Variants in UNC80 observed in about 807,000 individuals in gnomAD.
UNC80 encodes unc-80 subunit of NALCN channel complex.
In UNC80, 164 loss-of-function variants were observed where a neutral mutation model predicts 384.6. The observed-to-expected ratio is 0.43, with a 90% CI of 0.38 to 0.49. UNC80 has a LOEUF of 0.49. Among genes scored for constraint, UNC80 ranks in the 20% least tolerant of loss-of-function variants. UNC80 has a pLI of 0.00. For synonymous variants in UNC80, 1,486 were observed against 1,527.8 expected (o/e 0.97, Z 0.64); for missense variants, 3,330 against 4,143.0 (o/e 0.80, Z 5.39).
At chr2:209,938,618 A>G (rs1246141741) in intron 42 of UNC80, among the ~76,000 whole-genome samples, 2 of 151,596 alleles carry the variant, frequency 1.3e-5, no homozygotes, top group African/African-American at 4.8e-5. Flanking sequence ...ACCCCAGCCC[A>G]TGATTTTGGG....
intron 36 of UNC80, among the ~76,000 whole-genome samples, chr2:209,928,231 G>A (rs902646204): frequency 1.3e-5 from 2 of 152,128 alleles, no homozygotes; most frequent in Admixed American, 6.5e-5. Flanking sequence ...AGCTACTCAT[G>A]AGGCTGAGGC....
rs1382519629 is a variant in UNC80, at chr2:209,937,513, T to C, written c.6364-16T>C. 1.3e-6 allele frequency: 2 copies of C among 1,524,174 alleles called. No homozygotes were observed. The highest frequency in any genetic ancestry group is 3.9e-5 in the Admixed American group (2 of 50,724). 94.4% of individuals were successfully genotyped at this position (1,524,174 alleles called of 1,614,324 possible). On this transcript the variant is annotated splice_polypyrimidine_tract_variant and intron_variant, in intron 41 of 64. Coordinates refer to ENST00000673920, the MANE Select transcript of UNC80 (RefSeq NM_001371986.1). ...TTTTGAACTCTTTTTTTTGTCTCTT[T>C]ATGTAATCCACACAGACCTATGTTC...
intron 22 of UNC80, among the ~76,000 whole-genome samples, chr2:209,855,270 AG>A (rs535778429): frequency 3.4e-4 from 51 of 152,190 alleles, no homozygotes; most frequent in African/African-American, 1.2e-3. Context: ...ACATGGACAC[AG>A]GGGAACAACA....
chr2:209,980,637 G>GTT (rs2093134998), intron 59 of UNC80, among the ~76,000 whole-genome samples: 1 of 152,206 alleles, frequency 6.6e-6, no homozygotes, highest in East Asian at 1.9e-4. Flanking sequence ...AATCAGACTT[G>GTT]TATTAAGGCC....
At chr2:209,857,680 A>C (rs1490870942) in intron 22 of UNC80, among the ~76,000 whole-genome samples, 1 of 152,196 alleles carries the variant, frequency 6.6e-6, no homozygotes, top group Non-Finnish European at 1.5e-5. Flanking sequence ...TTGTAAACTA[A>C]GAACTTAGCT....
chr2:209,910,525 T>C (rs2088799086), intron 29 of UNC80, among the ~76,000 whole-genome samples: 1 of 152,070 alleles, frequency 6.6e-6, no homozygotes, highest in African/African-American at 2.4e-5. Flanking sequence ...CTAAGTGTCA[T>C]GAGGCCACCA....
intron 34 of UNC80, among the ~76,000 whole-genome samples, 176 bp downstream of exon 34, chr2:209,921,862 C>T (rs2090063123): frequency 6.6e-6 from 1 of 152,190 alleles, no homozygotes; most frequent in South Asian, 2.1e-4. Flanking sequence ...TTAGAGTTAG[C>T]CATTTTCAGA....
At chr2:209,964,702 C>T (rs1220780522) in intron 51 of UNC80, among the ~76,000 whole-genome samples, 1 of 150,172 alleles carries the variant, frequency 6.7e-6, no homozygotes, top group Non-Finnish European at 1.5e-5. Flanking sequence ...GCAGGAGAAT[C>T]GCTTGTACCG....
At chr2:209,804,528 T>C (rs1559117555) in intron 7 of UNC80, among the ~76,000 whole-genome samples, 1 of 152,126 alleles carries the variant, frequency 6.6e-6, no homozygotes, top group Non-Finnish European at 1.5e-5. Flanking sequence ...ATACAATTAT[T>C]TTTAAAACTT....
Position 209,995,634 on chromosome 2 carries a change from T to TGTA in UNC80, c.*40_*41insTAG. 6.5e-7 allele frequency: 1 copy of TGTA among 1,541,984 alleles called. No homozygotes were observed. Among genetic ancestry groups the TGTA allele is most frequent in the East Asian group, 2.5e-5 (1 of 40,806 alleles). On this transcript the variant is annotated 3_prime_UTR_variant, in exon 65 of 65. Coordinates refer to ENST00000673920, the MANE Select transcript of UNC80 (RefSeq NM_001371986.1). ...AAGCTCTGCAGGTATAGAGAAGACA[T>TGTA]GAAAGTGATCTCTCTACTACAAGTT...
At chr2:209,882,164 C>T (rs1317626905) in intron 25 of UNC80, among the ~76,000 whole-genome samples, 1 of 151,984 alleles carries the variant, frequency 6.6e-6, no homozygotes, top group Non-Finnish European at 1.5e-5. Context: ...GACGGGGTTT[C>T]ACCATGTTAG....
chr2:209,837,144 T>A (rs2153829020), intron 18 of UNC80, among the ~76,000 whole-genome samples: 1 of 152,364 alleles, frequency 6.6e-6, no homozygotes, highest in East Asian at 1.9e-4. Context: ...AGTACTCTGA[T>A]GAGATTTTAA....
chr2:209,973,725 A>T (rs2092940532), intron 56 of UNC80, among the ~76,000 whole-genome samples: 1 of 152,202 alleles, frequency 6.6e-6, no homozygotes, highest in African/African-American at 2.4e-5. Context: ...ATTGCACAAC[A>T]TGTGGGGCTC....
intron 22 of UNC80, among the ~76,000 whole-genome samples, chr2:209,865,616 A>G (rs1018527090): frequency 6.6e-6 from 1 of 151,942 alleles, no homozygotes; most frequent in Admixed American, 6.6e-5. Context: ...TTCAACCCCA[A>G]TTGTTGTTCC....
At chr2:209,830,772 G>A (rs1000381272) in intron 15 of UNC80, among the ~76,000 whole-genome samples, 1 of 152,178 alleles carries the variant, frequency 6.6e-6, no homozygotes, top group East Asian at 1.9e-4. Flanking sequence ...GGAGGTCGAA[G>A]GCTTCCATTC....
intron 4 of UNC80, among the ~76,000 whole-genome samples, chr2:209,782,794 A>G (rs1017756453): frequency 6.6e-6 from 1 of 152,154 alleles, no homozygotes; most frequent in Non-Finnish European, 1.5e-5. Flanking sequence ...TTAATATATT[A>G]TTAATTTTAG....
intron 4 of UNC80, among the ~76,000 whole-genome samples, chr2:209,784,445 A>AT (rs376929125): frequency 5.0e-4 from 76 of 151,086 alleles, no homozygotes; most frequent in African/African-American, 1.4e-3. Flanking sequence ...CTCCAATTTT[A>AT]TTTTTTTTTC....
At chr2:209,802,670 T>C (rs1187913757) in intron 7 of UNC80, among the ~76,000 whole-genome samples, 1 of 151,620 alleles carries the variant, frequency 6.6e-6, no homozygotes, top group Non-Finnish European at 1.5e-5. Context: ...CTATGGTTCT[T>C]GCATTTTTTT....
Position 209,943,415 on chromosome 2 carries a change from T to C in UNC80, c.6951T>C (p.Arg2317=), listed in dbSNP as rs1452338851. The C allele has an allele frequency of 5.2e-6, 8 of 1,552,068 alleles. No homozygotes were observed. The highest frequency in any genetic ancestry group is 1.4e-5 in the African/African-American group (1 of 73,042). Residue 2317 remains arginine (R), a synonymous_variant, in exon 45 of 65, where the codon CGT becomes CGC. Transcript: ENST00000673920. ...ACTATGAAAGCAATCCCCAGCTGCG[T>C]CAAGCCATCGAATTTGCCTGTCACC... is the stretch of plus-strand genomic sequence containing the variant. ...YSDYESNPQL[R]QAIEFACHQF...
Sources: gnomAD v4.1 joint callset for allele counts (sites outside exome capture counted in the v4.1 genomes callset) on GRCh38, gnomAD v4.1.1 for gene constraint, MANE v1.5 for transcripts, NCBI Gene and HGNC (gene_info 2026-07-23, HGNC 2026-07-21) for gene names.